The following ALK variants were observed in gnomAD, a reference collection of about 807,000 sequenced individuals.
ALK encodes ALK tyrosine kinase receptor.
In ALK, 74 loss-of-function variants were observed where a neutral mutation model predicts 163.1. That is an observed-to-expected ratio of 0.45 (90% CI 0.38 to 0.55). The LOEUF (loss-of-function observed/expected upper bound fraction) is 0.55. Ranked by LOEUF, ALK falls within the 20% of genes least tolerant of loss-of-function variation. The pLI, the probability that ALK is intolerant of heterozygous loss-of-function variation, is 0.00. For missense variants in ALK, 2,063 were observed against 2,105.3 expected (o/e 0.98, Z 0.39); for synonymous variants, 960 against 843.2 (o/e 1.14, Z -2.40).
intron 4 of ALK, among the ~76,000 whole-genome samples, chr2:29,514,373 C>G (rs992145579): frequency 1.1e-4 from 16 of 151,110 alleles, no homozygotes; most frequent in African/African-American, 3.9e-4. Context: ...AATTGGAAAT[C>G]ATCATTCTCA....
At chr2:29,552,864 C>T (rs1573450764) in intron 3 of ALK, among the ~76,000 whole-genome samples, 2 of 152,192 alleles carry the variant, frequency 1.3e-5, no homozygotes, top group African/African-American at 4.8e-5. Flanking sequence ...GCTGCCTGGG[C>T]TCCCTCTCCA....
intron 1 of ALK, among the ~76,000 whole-genome samples, chr2:29,829,367 A>G (rs558857832): frequency 1.6e-4 from 24 of 151,842 alleles, no homozygotes; most frequent in African/African-American, 5.6e-4. Context: ...GTTTAACCAT[A>G]TTCTTTGTGC....
chr2:29,269,973 C>T (rs1665337134), intron 11 of ALK, among the ~76,000 whole-genome samples: 1 of 152,220 alleles, frequency 6.6e-6, no homozygotes, highest in African/African-American at 2.4e-5. Context: ...CAGATGTGCT[C>T]TGTTGAAACG....
chr2:29,796,717 T>A (rs534948614), intron 1 of ALK, among the ~76,000 whole-genome samples: 1 of 152,274 alleles, frequency 6.6e-6, no homozygotes, highest in South Asian at 2.1e-4. Context: ...TCAGCAGCTG[T>A]TCATTTCAAA....
At chr2:29,384,510 T>C (rs1668982841) in intron 4 of ALK, among the ~76,000 whole-genome samples, 2 of 152,176 alleles carry the variant, frequency 1.3e-5, no homozygotes, top group African/African-American at 4.8e-5. Flanking sequence ...TAATCAAGGA[T>C]ACTGACACTG....
intron 1 of ALK, among the ~76,000 whole-genome samples, chr2:29,781,960 TC>T (rs1159558063): frequency 2.6e-5 from 4 of 151,776 alleles, no homozygotes; most frequent in Non-Finnish European, 4.4e-5. Context: ...AGCCCAGGAG[TC>T]AAGTTAGTGT....
chr2:29,730,911 G>A (rs1226248442), intron 1 of ALK, among the ~76,000 whole-genome samples: 1 of 152,148 alleles, frequency 6.6e-6, no homozygotes, highest in Non-Finnish European at 1.5e-5. Context: ...ATCACACAAT[G>A]AGAAGAGCAA....
At chr2:29,640,926 T>G (rs954485283) in intron 3 of ALK, among the ~76,000 whole-genome samples, 1 of 151,814 alleles carries the variant, frequency 6.6e-6, no homozygotes, top group Non-Finnish European at 1.5e-5. Context: ...AAGAGTATTA[T>G]GAATAGAAAG....
At chr2:29,797,936 G>A (rs1198096326) in intron 1 of ALK, among the ~76,000 whole-genome samples, 1 of 152,156 alleles carries the variant, frequency 6.6e-6, no homozygotes, top group African/African-American at 2.4e-5. Flanking sequence ...ATGAAAAGGA[G>A]TAAGTAGAGC....
intron 15 of ALK, among the ~76,000 whole-genome samples, chr2:29,231,991 G>T (rs928517678): frequency 2.0e-5 from 3 of 152,068 alleles, no homozygotes; most frequent in Admixed American, 2.0e-4. Context: ...GGGCCCATCT[G>T]CCCCTGGAGG....
At chr2:29,847,543 C>T (rs1665878677) in intron 1 of ALK, among the ~76,000 whole-genome samples, 1 of 152,130 alleles carries the variant, frequency 6.6e-6, no homozygotes, top group Non-Finnish European at 1.5e-5. Flanking sequence ...TGGTCTAATG[C>T]TCTTCATTTT....
chr2:29,559,360 A>G (rs10206377), intron 3 of ALK, among the ~76,000 whole-genome samples: 147,882 of 152,330 alleles, frequency 0.97, 71,958 homozygotes, highest in East Asian at 1. Flanking sequence ...GACTGATTAA[A>G]TAGGTAGGAG....
Position 29,654,859 on chromosome 2 carries a change from A to G in ALK, c.952+39991T>C, listed in dbSNP as rs1471525740. 2.6e-5 allele frequency among the ~76,000 whole-genome samples: 4 copies of G among 152,238 alleles called. No individual in the cohort carries two copies. In the East Asian group the frequency reaches 5.8e-4, roughly 22 times the overall value. Reference sequence around the variant, plus strand: ...AGTAAATGAACTGAGATGCCCCAGAATCAATCCATTTAAAAAATATACTAA... The same window carrying G: ...AGTAAATGAACTGAGATGCCCCAGAGTCAATCCATTTAAAAAATATACTAA... On this transcript the variant is annotated intron_variant, in intron 3 of 28. Coordinates refer to ENST00000389048, the MANE Select transcript of ALK (RefSeq NM_004304.5).
intron 23 of ALK, among the ~76,000 whole-genome samples, chr2:29,216,570 G>A (rs991289949): frequency 1.3e-5 from 2 of 151,678 alleles, no homozygotes; most frequent in African/African-American, 4.9e-5. Context: ...GCACAGGGCA[G>A]ACAGTCAGCA....
intron 3 of ALK, among the ~76,000 whole-genome samples, chr2:29,572,149 T>G (rs1674392949): frequency 6.6e-6 from 1 of 152,212 alleles, no homozygotes; most frequent in African/African-American, 2.4e-5. Context: ...TTGAGTATCA[T>G]TTCCAAATTG....
intron 1 of ALK, among the ~76,000 whole-genome samples, chr2:29,878,734 G>A (rs969592823): frequency 6.6e-5 from 10 of 152,170 alleles, no homozygotes; most frequent in Non-Finnish European, 1.3e-4. Context: ...AAGGAATGGA[G>A]GTTCAGCCAG....
intron 5 of ALK, among the ~76,000 whole-genome samples, chr2:29,377,474 CAA>C (rs372035289): frequency 2.5e-4 from 30 of 118,992 alleles, no homozygotes; most frequent in African/African-American, 4.8e-4. Flanking sequence ...GACTACATCT[CAA>C]AAAAAAAAAA....
chr2:29,609,373 G>A (rs1675628005), intron 3 of ALK, among the ~76,000 whole-genome samples: 1 of 152,088 alleles, frequency 6.6e-6, no homozygotes, highest in Admixed American at 6.6e-5. Context: ...TTATGTGATA[G>A]CAAGTCGGGA....
rs77165783 is a variant in ALK, at chr2:29,372,467, A to G, written c.1282+11265T>C. On this transcript the variant is annotated intron_variant, in intron 5 of 28. Coordinates refer to ENST00000389048, the MANE Select transcript of ALK (RefSeq NM_004304.5). ...TAGTTAATGAAGAGCCGCCAAGGCC[A>G]CTGGGCCAACAATACCATGATCTGC... Among the ~76,000 whole-genome samples, 208 of 152,344 alleles carry G rather than the reference A, an allele frequency of 1.4e-3. 4 individuals carry two copies. The East Asian group carries it at 0.039, about 29-fold the overall frequency.
Sources: allele counts gnomAD v4.1 joint callset (sites outside exome capture counted in the v4.1 genomes callset), GRCh38; gene constraint gnomAD v4.1.1; transcripts MANE v1.5; gene names NCBI Gene and HGNC (gene_info 2026-07-23, HGNC 2026-07-21).